The following ART3 variants were observed in gnomAD, a reference collection of about 807,000 sequenced individuals.
ART3 encodes ADP-ribosyltransferase 3 (inactive).
In ART3, 49 loss-of-function variants were observed where a neutral mutation model predicts 48.5. The ratio of observed to expected loss-of-function variants is 1.01; its 90% confidence interval spans 0.80 to 1.28. The LOEUF (loss-of-function observed/expected upper bound fraction) is 1.28. Ranked by LOEUF, ART3 falls within the 50% of genes most tolerant of loss-of-function variation. The pLI is 0.00. For missense variants in ART3, 438 were observed against 454.3 expected (o/e 0.96, Z 0.33); for synonymous variants, 145 against 157.2 (o/e 0.92, Z 0.58).
At chr4:76,098,830 ATTTT>A in intron 4 of ART3, 121 bp from the exon 5 acceptor site, 1 of 766,220 alleles carries the variant, frequency 1.3e-6, no homozygotes. Flanking sequence ...TAGTAACTGT[ATTTT>A]TATGTTTCTT....
chr4:76,050,550 G>A (rs536104286), intron 1 of ART3, among the ~76,000 whole-genome samples: 1 of 152,190 alleles, frequency 6.6e-6, no homozygotes, highest in East Asian at 1.9e-4. Context: ...AGACATAAAA[G>A]TTCTCCATGT....
At chr4:76,107,159 T>G (rs1000848983) in intron 10 of ART3, 1 of 152,152 alleles carries the variant, frequency 6.6e-6, no homozygotes, top group African/African-American at 2.4e-5. Flanking sequence ...GTAGGTTGGG[T>G]GAGTTAAATG....
chr4:76,067,697 G>C (rs1448244892), intron 1 of ART3, among the ~76,000 whole-genome samples: 1 of 152,120 alleles, frequency 6.6e-6, no homozygotes, highest in African/African-American at 2.4e-5. Flanking sequence ...GTTAAAATTT[G>C]GTAACAGTAA....
chr4:76,040,520 T>A (rs1341960698), intron 1 of ART3, among the ~76,000 whole-genome samples: 2 of 90,036 alleles, frequency 2.2e-5, no homozygotes, highest in South Asian at 3.8e-4. Flanking sequence ...TATCAGGTTC[T>A]CCCCCCCGCC....
chr4:76,053,683 G>C (rs867363313), intron 1 of ART3, among the ~76,000 whole-genome samples: 4 of 152,126 alleles, frequency 2.6e-5, no homozygotes, highest in African/African-American at 9.7e-5. Context: ...ATTCAAAGTC[G>C]CATATGTTAA....
chr4:76,075,822 T>G, intron 1 of ART3, 59 bp from the exon 2 acceptor site: 1 of 1,323,156 alleles, frequency 7.6e-7, no homozygotes, highest in Admixed American at 1.9e-5. Context: ...CATCCTATTC[T>G]ACTTCCCTAC....
chr4:76,044,804 G>T (rs899153670), intron 1 of ART3, among the ~76,000 whole-genome samples: 8 of 151,808 alleles, frequency 5.3e-5, no homozygotes, highest in African/African-American at 1.9e-4. Flanking sequence ...CGCTTATGCT[G>T]CTGTTCTCCC....
chr4:76,037,436 A>G (rs1734539299), intron 1 of ART3, among the ~76,000 whole-genome samples: 1 of 151,754 alleles, frequency 6.6e-6, no homozygotes, highest in African/African-American at 2.4e-5. Context: ...TTTCTTTCTA[A>G]CTTTAAATAT....
At chr4:76,108,222 G>C (rs977199319) in intron 11 of ART3, among the ~76,000 whole-genome samples, 1 of 151,966 alleles carries the variant, frequency 6.6e-6, no homozygotes, top group African/African-American at 2.4e-5. Flanking sequence ...TCAACATCAT[G>C]TCTAAAGTAG....
At chr4:76,052,924 T>G (rs1736273724) in intron 1 of ART3, among the ~76,000 whole-genome samples, 1 of 152,060 alleles carries the variant, frequency 6.6e-6, no homozygotes, top group Admixed American at 6.5e-5. Flanking sequence ...AGACGGGGTT[T>G]CACCATGTTG....
chr4:76,024,214 A>G (rs1560578742), intron 1 of ART3, among the ~76,000 whole-genome samples: 1 of 152,150 alleles, frequency 6.6e-6, no homozygotes, highest in Non-Finnish European at 1.5e-5. Context: ...GGTATCTAGA[A>G]TGGTGTGAGA....
chr4:76,101,493 C>T (rs1162825109), intron 8 of ART3, among the ~76,000 whole-genome samples: 2 of 152,130 alleles, frequency 1.3e-5, no homozygotes, highest in East Asian at 1.9e-4. Flanking sequence ...AATGGCCGGG[C>T]GGGGTGGCTC....
chr4:76,077,147 A>G (rs1168611382), intron 2 of ART3, among the ~76,000 whole-genome samples: 1 of 152,158 alleles, frequency 6.6e-6, no homozygotes, highest in East Asian at 1.9e-4. Context: ...CCGTCAACCC[A>G]AAAAGAAACC....
rs1037791041 is a variant in ART3, at chr4:76,049,388, C to T, written c.-9-26493C>T. 2.6e-5 allele frequency among the ~76,000 whole-genome samples: 4 copies of T among 151,816 alleles called. No individual in the cohort carries two copies. The South Asian group carries it at 8.3e-4, about 32-fold the overall frequency. ...GGGCGACATGCTTTTGAGAGTGCCG[C>T]TCATGGCCGCAGGGTCAGCCAACAT... is the stretch of plus-strand genomic sequence containing the variant. On this transcript the variant is annotated intron_variant, in intron 1 of 9. Coordinates refer to the ART3 transcript ENST00000341029.
chr4:76,014,357 AAGG>A (rs1159315872), intron 1 of ART3, among the ~76,000 whole-genome samples: 2 of 152,220 alleles, frequency 1.3e-5, no homozygotes, highest in African/African-American at 4.8e-5. Flanking sequence ...AATTATAAAA[AAGG>A]AAACAAATAG....
At chr4:76,110,745 A>C (rs1308810567) in intron 11 of ART3, among the ~76,000 whole-genome samples, 3 of 152,176 alleles carry the variant, frequency 2.0e-5, no homozygotes, top group Non-Finnish European at 2.9e-5. Context: ...CCACTTATAC[A>C]TGGATTTTTT....
chr4:76,106,391 TAGGAC>T (rs1338338467), intron 10 of ART3: 3 of 981,218 alleles, frequency 3.1e-6, no homozygotes, highest in Non-Finnish European at 1.2e-6. Flanking sequence ...GCTTGCCAGT[TAGGAC>T]AGATTTATTT....
chr4:76,039,929 A>C (rs1303031625), intron 1 of ART3, among the ~76,000 whole-genome samples: 1 of 152,138 alleles, frequency 6.6e-6, no homozygotes, highest in African/African-American at 2.4e-5. Flanking sequence ...CTCTGCTGGG[A>C]GTCTTGGAAT....
At chr4:76,052,002 A>G (rs1736155507) in intron 1 of ART3, among the ~76,000 whole-genome samples, 1 of 143,988 alleles carries the variant, frequency 6.9e-6, no homozygotes, top group Non-Finnish European at 1.5e-5. Flanking sequence ...TCCGCCCCTG[A>G]GTTCAAGCCT....
Sources: gnomAD v4.1 joint callset for allele counts (sites outside exome capture counted in the v4.1 genomes callset) on GRCh38, gnomAD v4.1.1 for gene constraint, MANE v1.5 for transcripts, NCBI Gene and HGNC (gene_info 2026-07-23, HGNC 2026-07-21) for gene names.